Variants in CADPS observed in about 807,000 individuals in gnomAD.
CADPS encodes the protein calcium dependent secretion activator.
CADPS carries 57 observed loss-of-function variants against 167.3 expected under a neutral mutation model. The ratio of observed to expected loss-of-function variants is 0.34; its 90% CI spans 0.28 to 0.42. CADPS has a LOEUF of 0.42. Among genes scored for constraint, CADPS ranks in the 20% least tolerant of loss-of-function variants. The pLI is 1.00. For missense variants in CADPS, 1,414 were observed against 1,738.1 expected, an observed-to-expected ratio of 0.81 and a Z score of 3.32; for synonymous variants, 676 against 635.3, an observed-to-expected ratio of 1.06 and a Z score of -0.96.
intron 17 of CADPS, chr3:62,500,028 C>T (rs1324052018): frequency 6.6e-6 from 1 of 152,148 alleles, no homozygotes; most frequent in Non-Finnish European, 1.5e-5. Context: ...GCTTATGTTG[C>T]CTTCTTTTTA....
rs2077842223 is a variant in CADPS at position 62,848,140 on chromosome 3, T to C, written c.441+26449A>G. On this transcript the variant is annotated intron_variant, in intron 1 of 29. Transcript: ENST00000383710. ...TTGATGGGGTTGTTCGTTTTTTTCTTGTAAATTTGTTTGAGTTCATTGTAG... is the reference window on the plus strand; with the variant it reads ...TTGATGGGGTTGTTCGTTTTTTTCTCGTAAATTTGTTTGAGTTCATTGTAG... Among the ~76,000 whole-genome samples, 5 of 144,934 alleles carry C rather than the reference T, an allele frequency of 3.4e-5. 1 individual carries two copies. Among genetic ancestry groups the C allele is most frequent in the African/African-American group, 5.6e-5 (2 of 35,622 alleles).
At chr3:62,554,657 C>T (rs2077825105) in intron 10 of CADPS, among the ~76,000 whole-genome samples, 1 of 152,200 alleles carries the variant, frequency 6.6e-6, no homozygotes, top group South Asian at 2.1e-4. Flanking sequence ...CAGGAATCCC[C>T]TGCAGTGCTT....
chr3:62,705,455 T>C (rs2082148657), intron 3 of CADPS, among the ~76,000 whole-genome samples: 1 of 152,078 alleles, frequency 6.6e-6, no homozygotes, highest in Admixed American at 6.5e-5. Flanking sequence ...GGATGCAAAG[T>C]ATTGTTCCTG....
intron 21 of CADPS, among the ~76,000 whole-genome samples, chr3:62,487,859 T>C (rs1325718120): frequency 6.6e-6 from 1 of 152,252 alleles, no homozygotes; most frequent in Non-Finnish European, 1.5e-5. Context: ...TTTTTCATTC[T>C]CTTTTTAGCA....
intron 24 of CADPS, among the ~76,000 whole-genome samples, chr3:62,472,886 A>T (rs1327958989): frequency 2.0e-4 from 31 of 152,190 alleles, no homozygotes; most frequent in Non-Finnish European, 4.4e-5. Flanking sequence ...TCAGGTTTAC[A>T]TACTGAGTAT....
At position 62,402,970 on chromosome 3, in the gene CADPS, CTATTT is replaced by C. The variant is rs1706966900; in HGVS notation, c.3882+106_3882+110del. The stretch of plus-strand genomic sequence containing the variant: ...GCATAGGTTTTTCTTGTATGAGATA[CTATTT>C]TATATGTAAACTAATATTCTTTGTG... On this transcript the variant is annotated intron_variant, in intron 29 of 29. Transcript: ENST00000383710. The C allele has an allele frequency of 6.7e-6, 4 of 595,582 alleles. No individual in the cohort carries two copies. In the Admixed American group the frequency reaches 1.4e-4, roughly 20 times the overall value. 36.9% of individuals were successfully genotyped at this position (595,582 alleles called of 1,614,324 possible).
chr3:62,660,713 A>C (rs1223800573), intron 4 of CADPS, among the ~76,000 whole-genome samples: 1 of 152,020 alleles, frequency 6.6e-6, no homozygotes, highest in Non-Finnish European at 1.5e-5. Flanking sequence ...TCATATGCCC[A>C]CAGGGCCTGT....
chr3:62,787,227 G>A lies in CADPS; in HGVS notation c.442-21243C>T, dbSNP rs1044290794. ...GGAGGATCACTTGAGTCCAGGAGGCGGAGGTTGTAGTGAGCCAAGATCGCA... is the reference window on the plus strand; with the variant it reads ...GGAGGATCACTTGAGTCCAGGAGGCAGAGGTTGTAGTGAGCCAAGATCGCA... On this transcript the variant is annotated intron_variant, in intron 1 of 29. Transcript: ENST00000383710. 3.3e-5 allele frequency among the ~76,000 whole-genome samples: 5 copies of A among 151,898 alleles called. No homozygotes were observed. The South Asian group carries it at 6.2e-4, about 19-fold the overall frequency.
At chr3:62,846,209 T>C (rs1395459013) in intron 1 of CADPS, among the ~76,000 whole-genome samples, 1 of 152,120 alleles carries the variant, frequency 6.6e-6, no homozygotes, top group East Asian at 1.9e-4. Flanking sequence ...CAGCCTCTTT[T>C]AAAAATAAAT....
chr3:62,515,877 T>A (rs2068849526), intron 16 of CADPS, among the ~76,000 whole-genome samples, 182 bp downstream of exon 16: 1 of 152,142 alleles, frequency 6.6e-6, no homozygotes, highest in Admixed American at 6.6e-5. Context: ...CCCTGTAATG[T>A]CTTTTAATTC....
intron 6 of CADPS, chr3:62,626,386 C>T (rs2064090346): frequency 1.8e-6 from 1 of 556,340 alleles, no homozygotes; most frequent in Non-Finnish European, 3.2e-6. Context: ...AGGAAAAACA[C>T]CCAAAAGGAT....
intron 28 of CADPS, among the ~76,000 whole-genome samples, chr3:62,436,485 A>C (rs1464366033): frequency 6.6e-6 from 1 of 152,208 alleles, no homozygotes; most frequent in Non-Finnish European, 1.5e-5. Flanking sequence ...CCACACTCCT[A>C]ACTGCAGACC....
chr3:62,782,761 CTTT>C (rs1191068833), intron 1 of CADPS, among the ~76,000 whole-genome samples: 15 of 138,814 alleles, frequency 1.1e-4, no homozygotes, highest in Non-Finnish European at 1.1e-4. Context: ...GCATTTCTTT[CTTT>C]TTTTTTTTTT....
intron 3 of CADPS, among the ~76,000 whole-genome samples, chr3:62,726,836 G>A (rs768655337): frequency 7.2e-5 from 11 of 151,852 alleles, no homozygotes; most frequent in Non-Finnish European, 1.6e-4. Context: ...CCACAACAGA[G>A]TCAAGTTCTT....
chr3:62,662,989 T>G (rs998588811), intron 3 of CADPS, among the ~76,000 whole-genome samples: 2 of 152,190 alleles, frequency 1.3e-5, no homozygotes, highest in African/African-American at 4.8e-5. Flanking sequence ...GATATAAAGA[T>G]CAGAGCACCC....
chr3:62,545,666 C>T (rs772267246), intron 11 of CADPS, among the ~76,000 whole-genome samples: 27 of 151,994 alleles, frequency 1.8e-4, no homozygotes, highest in Non-Finnish European at 3.4e-4. Flanking sequence ...CCACTCTTCT[C>T]GAAGTGTCTT....
intron 6 of CADPS, among the ~76,000 whole-genome samples, chr3:62,597,141 G>A (rs1208479755): frequency 6.6e-6 from 1 of 152,098 alleles, no homozygotes; most frequent in Non-Finnish European, 1.5e-5. Context: ...AGTAGCCTGG[G>A]CAACATAGAA....
At chr3:62,589,300 A>G (rs2085395007) in intron 7 of CADPS, among the ~76,000 whole-genome samples, 1 of 152,236 alleles carries the variant, frequency 6.6e-6, no homozygotes, top group South Asian at 2.1e-4. Context: ...GAGGGTGTCC[A>G]GCCAGCACAA....
chr3:62,741,399 G>C (rs1332633405), intron 3 of CADPS, among the ~76,000 whole-genome samples: 1 of 152,124 alleles, frequency 6.6e-6, no homozygotes, highest in Non-Finnish European at 1.5e-5. Context: ...ACTGAGTCCA[G>C]CAGCACATCA....
Sources: allele counts gnomAD v4.1 joint callset (sites outside exome capture counted in the v4.1 genomes callset), GRCh38; gene constraint gnomAD v4.1.1; transcripts MANE v1.5; gene names NCBI Gene and HGNC (gene_info 2026-07-23, HGNC 2026-07-21).